Variants in ARAP2 observed in about 807,000 individuals in gnomAD.
ARAP2 encodes the protein arf-GAP with Rho-GAP domain, ANK repeat and PH domain-containing protein 2.
Under a neutral mutation model 194.5 loss-of-function variants are expected in ARAP2, and 148 were observed. That is an observed-to-expected ratio of 0.76 (90% CI 0.67 to 0.87). The LOEUF (loss-of-function observed/expected upper bound fraction) is 0.87. ARAP2 is among the 40% of genes least tolerant of loss of function. The pLI, the probability that ARAP2 is intolerant of heterozygous loss-of-function variation, is 0.00. For synonymous variants in ARAP2, 695 were observed against 683.5 expected, an observed-to-expected ratio of 1.02 and a Z score of -0.26; for missense variants, 2,128 against 1,989.7, an observed-to-expected ratio of 1.07 and a Z score of -1.32.
At position 36,229,064 on chromosome 4, in the gene ARAP2, T is replaced by C. The variant is rs566514881; in HGVS notation, c.423A>G (p.Gln141=). 1.2e-6 allele frequency: 2 copies of C among 1,614,082 alleles called. No homozygotes were observed. The highest frequency in any genetic ancestry group is 2.2e-5 in the East Asian group (1 of 44,882). The part of the protein sequence containing the change: ...DASVERSQYP[Q]SDDKLSPPKR... ...TAGGAGGAGACAGCTTATCATCTGA[T>C]TGAGGATACTGGCTTCTTTCCACAC... Residue 141 remains glutamine (Q), a synonymous_variant, in exon 2 of 33, where the codon CAA becomes CAG. Transcript: ENST00000303965.
intron 5 of ARAP2, among the ~76,000 whole-genome samples, chr4:36,025,546 T>C (rs918017356): frequency 2.0e-5 from 3 of 152,188 alleles, no homozygotes; most frequent in Non-Finnish European, 4.4e-5. Flanking sequence ...AATGTTTTTC[T>C]TTCAGAAGAG....
chr4:36,206,648 G>A (rs1225732132), intron 6 of ARAP2, among the ~76,000 whole-genome samples: 3 of 152,258 alleles, frequency 2.0e-5, no homozygotes, highest in African/African-American at 7.2e-5. Flanking sequence ...AGACCTTTTT[G>A]CTCCAATTAT....
At chr4:36,168,853 G>C (rs1735912180) in intron 9 of ARAP2, among the ~76,000 whole-genome samples, 1 of 152,164 alleles carries the variant, frequency 6.6e-6, no homozygotes, top group South Asian at 2.1e-4. Flanking sequence ...CCCACTTAAT[G>C]AAAAATGGCA....
chr4:36,099,141 A>G (rs1231236232), intron 27 of ARAP2, among the ~76,000 whole-genome samples: 1 of 151,786 alleles, frequency 6.6e-6, no homozygotes, highest in Non-Finnish European at 1.5e-5. Flanking sequence ...CTTATAAGCG[A>G]GAACATGCGG....
chr4:36,230,310 G>A (rs1218091184), intron 1 of ARAP2, among the ~76,000 whole-genome samples: 1 of 152,190 alleles, frequency 6.6e-6, no homozygotes, highest in African/African-American at 2.4e-5. Context: ...TTTCTTAACA[G>A]TAGTTGAATA....
At chr4:36,210,771 C>CA in intron 5 of ARAP2, 28 bp from the exon 6 acceptor site, 1 of 1,460,664 alleles carries the variant, frequency 6.8e-7, no homozygotes, top group Non-Finnish European at 9.3e-7. Flanking sequence ...GTAAACATTT[C>CA]AAAGTGCTAT....
intron 1 of ARAP2, among the ~76,000 whole-genome samples, chr4:36,239,433 T>C (rs540591439): frequency 1.3e-5 from 2 of 152,206 alleles, no homozygotes; most frequent in African/African-American, 4.8e-5. Flanking sequence ...ATACACAAAA[T>C]GAAATACTAA....
chr4:36,228,439 C>T (rs944395348), intron 2 of ARAP2, 143 bp downstream of exon 2: 5 of 861,952 alleles, frequency 5.8e-6, no homozygotes, highest in Non-Finnish European at 8.4e-6. Context: ...GGGATGAAGA[C>T]TTTTTTTTTA....
At position 36,186,917 on chromosome 4, in the gene ARAP2, T is replaced by C. The variant is rs553290874; in HGVS notation, c.1678+534A>G. The stretch of plus-strand genomic sequence containing the variant: ...ATAATTATTTCATTATATACTACAA[T>C]GTAATAATAACAGAACTAAAACACA... On this transcript the variant is annotated intron_variant, in intron 8 of 32. Transcript: ENST00000303965. 3.3e-5 allele frequency among the ~76,000 whole-genome samples: 5 copies of C among 152,328 alleles called. 1 individual carries two copies. In the South Asian group the frequency reaches 1.0e-3, roughly 32 times the overall value.
At chr4:36,122,459 T>C (rs1201978011) in intron 22 of ARAP2, among the ~76,000 whole-genome samples, 1 of 151,864 alleles carries the variant, frequency 6.6e-6, no homozygotes, top group Non-Finnish European at 1.5e-5. Context: ...ATCACGTCCT[T>C]TGCAGCAACA....
intron 8 of ARAP2, among the ~76,000 whole-genome samples, chr4:36,183,285 A>AT (rs1337611971): frequency 2.2e-5 from 1 of 45,778 alleles, no homozygotes; most frequent in Non-Finnish European, 4.8e-5. Context: ...TCTTTTTAAA[A>AT]TTTTTTTTAA....
intron 27 of ARAP2, among the ~76,000 whole-genome samples, chr4:36,101,800 C>A (rs1201171824): frequency 6.6e-6 from 1 of 151,972 alleles, no homozygotes; most frequent in Non-Finnish European, 1.5e-5. Flanking sequence ...TAATATCTAA[C>A]ATGAAATTCT....
chr4:36,057,964 AT>A (rs898275540), intron 2 of ARAP2: 3 of 149,636 alleles, frequency 2.0e-5, no homozygotes, highest in African/African-American at 7.3e-5. Context: ...TCCATAGAGG[AT>A]TTACCTTTCC....
At position 36,236,178 on chromosome 4, in the gene ARAP2, CAA is replaced by C. The variant is rs35020862; in HGVS notation, c.-159-6535_-159-6534del. 5.1e-3 allele frequency among the ~76,000 whole-genome samples: 603 copies of C among 119,048 alleles called. 2 individuals are homozygous for C. Among genetic ancestry groups the C allele is most frequent in the African/African-American group, 0.013 (415 of 32,588 alleles). 78.1% of individuals were successfully genotyped at this position (119,048 alleles called of 152,430 possible). A position where few individuals can be genotyped will look rare whatever the true frequency, so the allele number is the denominator to read the frequency against. ...TGGGCAACAGAGCCAGACCCTGTCT[CAA>C]AAAAAAAAAAAAAAAAATTAATGGG... is the stretch of plus-strand genomic sequence containing the variant. On this transcript the variant is annotated intron_variant, in intron 1 of 32. Transcript: ENST00000303965.
At chr4:36,199,795 G>A (rs753860108) in intron 6 of ARAP2, among the ~76,000 whole-genome samples, 2 of 152,042 alleles carry the variant, frequency 1.3e-5, no homozygotes, top group Non-Finnish European at 2.9e-5. Flanking sequence ...ATAATGTATT[G>A]TACACCTGAA....
chr4:36,128,375 T>C (rs1724469635), intron 21 of ARAP2, among the ~76,000 whole-genome samples, 158 bp downstream of exon 21: 2 of 151,916 alleles, frequency 1.3e-5, no homozygotes, highest in South Asian at 4.2e-4. Context: ...ATTTCTGTTA[T>C]CAGCCATTAT....
chr4:36,197,619 T>C (rs1349849031), intron 6 of ARAP2, among the ~76,000 whole-genome samples: 1 of 152,214 alleles, frequency 6.6e-6, no homozygotes, highest in Non-Finnish European at 1.5e-5. Context: ...CAGCTCACGC[T>C]ACCAGCCTGG....
chr4:36,073,147 C>T lies in ARAP2; in HGVS notation c.4743+542G>A, dbSNP rs138448376. Among the ~76,000 whole-genome samples, 391 of 152,172 alleles carry T rather than the reference C, an allele frequency of 2.6e-3. 2 individuals carry two copies. Among genetic ancestry groups the T allele is most frequent in the Admixed American group, 1.4e-3 (21 of 15,260 alleles). On this transcript the variant is annotated intron_variant, in intron 32 of 32. Transcript: ENST00000303965. ...GCCAAACTTCATGTCAAGATTGATG[C>T]CGCTTATGATCTCCCAACCCTCAAG...
chr4:36,177,050 G>A (rs1271527139), intron 9 of ARAP2, among the ~76,000 whole-genome samples: 1 of 151,280 alleles, frequency 6.6e-6, no homozygotes, highest in African/African-American at 2.4e-5. Flanking sequence ...AAAAAAAAGG[G>A]GTAAAGAATT....
Sources: gnomAD v4.1 joint callset for allele counts (sites outside exome capture counted in the v4.1 genomes callset) on GRCh38, gnomAD v4.1.1 for gene constraint, MANE v1.5 for transcripts, NCBI Gene and HGNC (gene_info 2026-07-23, HGNC 2026-07-21) for gene names.